CDH2: variants seen among roughly 807,000 people sequenced by gnomAD.
CDH2 encodes cadherin-2.
CDH2 carries 17 observed loss-of-function variants against 92.0 expected under a neutral mutation model. The ratio of observed to expected loss-of-function variants is 0.18; its 90% CI spans 0.13 to 0.28. CDH2 has a LOEUF of 0.28. Among genes scored for constraint, CDH2 ranks in the 10% least tolerant of loss-of-function variants. The pLI is 1.00. For missense variants in CDH2, 862 were observed against 1,133.1 expected, an observed-to-expected ratio of 0.76 and a Z score of 3.44; for synonymous variants, 419 against 415.9, an observed-to-expected ratio of 1.01 and a Z score of -0.09.
intron 9 of CDH2, among the ~76,000 whole-genome samples, chr18:27,992,098 T>C (rs1161857193): frequency 1.3e-5 from 2 of 152,220 alleles, no homozygotes; most frequent in Non-Finnish European, 2.9e-5. Context: ...ATGCAAGAGC[T>C]TTCTAAAATG....
intron 9 of CDH2, among the ~76,000 whole-genome samples, chr18:27,992,419 T>TCTCATCAC (rs1567953506): frequency 1.3e-5 from 2 of 152,196 alleles, no homozygotes; most frequent in Non-Finnish European, 2.9e-5. Flanking sequence ...ACTCTCATCA[T>TCTCATCAC]AAAACTCATT....
chr18:28,003,667 CTCAGG>C (rs2012834532), intron 6 of CDH2, among the ~76,000 whole-genome samples: 1 of 152,206 alleles, frequency 6.6e-6, no homozygotes, highest in South Asian at 2.1e-4. Context: ...ACTCCATTTC[CTCAGG>C]TCATAAGGAA....
chr18:27,950,789 G>A (rs1909402301), downstream of CDH2, among the ~76,000 whole-genome samples: 1 of 152,142 alleles, frequency 6.6e-6, no homozygotes, highest in Admixed American at 6.5e-5. Flanking sequence ...CTATGATGAT[G>A]GGAAGGTCCA....
At chr18:27,990,415 T>A (rs754095307) in intron 9 of CDH2, 65 bp from the exon 10 acceptor site, 9 of 1,459,776 alleles carry the variant, frequency 6.2e-6, no homozygotes, top group Non-Finnish European at 6.5e-6. Context: ...TGTAGTTTAT[T>A]CCTCTATCAA....
At chr18:27,937,517 C>A (rs1598974793) in intron 6 of CDH2, among the ~76,000 whole-genome samples, 1 of 152,106 alleles carries the variant, frequency 6.6e-6, no homozygotes, top group Admixed American at 6.5e-5. Context: ...CTAATTTATC[C>A]CTTTGTTCGT....
chr18:28,107,152 A>G (rs748943488), intron 2 of CDH2, among the ~76,000 whole-genome samples: 3 of 152,000 alleles, frequency 2.0e-5, no homozygotes, highest in Non-Finnish European at 2.9e-5. Context: ...TACAAAATCA[A>G]CGTTAATCAT....
chr18:27,962,668 A>T (rs1452013895), intron 15 of CDH2, among the ~76,000 whole-genome samples: 1 of 152,266 alleles, frequency 6.6e-6, no homozygotes. Flanking sequence ...AAAGAATTAC[A>T]GTAAGACTAC....
intron 2 of CDH2, among the ~76,000 whole-genome samples, chr18:28,129,029 C>T (rs1177475036): frequency 6.6e-6 from 1 of 152,158 alleles, no homozygotes; most frequent in Non-Finnish European, 1.5e-5. Context: ...GTACATCAAA[C>T]CTTCCTATAT....
At chr18:28,152,594 G>A (rs368728983) in intron 1 of CDH2, among the ~76,000 whole-genome samples, 7 of 152,190 alleles carry the variant, frequency 4.6e-5, no homozygotes, top group African/African-American at 9.6e-5. Context: ...AATGAGTTCA[G>A]TGTCGCCGGA....
At chr18:28,034,443 G>C (rs2013776271) in intron 2 of CDH2, among the ~76,000 whole-genome samples, 1 of 151,378 alleles carries the variant, frequency 6.6e-6, no homozygotes, top group African/African-American at 2.4e-5. Context: ...TTTTTTTTCT[G>C]GTTTTTAAAC....
chr18:27,960,035 C>CACACACACACAA (rs2011359205), intron 15 of CDH2, among the ~76,000 whole-genome samples: 1 of 151,778 alleles, frequency 6.6e-6, no homozygotes, highest in Admixed American at 6.6e-5. Flanking sequence ...CACACACACA[C>CACACACACACAA]ACACACACAC....
chr18:28,047,841 C>T (rs1178562674), intron 2 of CDH2, among the ~76,000 whole-genome samples: 1 of 136,568 alleles, frequency 7.3e-6, no homozygotes, highest in East Asian at 2.1e-4. Flanking sequence ...TGCACTCCAG[C>T]CTGAACAACA....
intron 15 of CDH2, among the ~76,000 whole-genome samples, chr18:27,959,758 C>T (rs544730258): frequency 6.6e-6 from 1 of 152,140 alleles, no homozygotes; most frequent in African/African-American, 2.4e-5. Flanking sequence ...ATACCTACCT[C>T]CTTAGATTTT....
intron 2 of CDH2, among the ~76,000 whole-genome samples, chr18:28,049,642 T>C (rs1455885405): frequency 6.6e-6 from 1 of 152,202 alleles, no homozygotes; most frequent in Non-Finnish European, 1.5e-5. Context: ...AACTCACCAC[T>C]GAATAGTATC....
rs564464961 is a variant in CDH2 at position 27,969,788 on chromosome 18, G to A, written c.2350-6267C>T. The stretch of plus-strand genomic sequence containing the variant: ...TCCCAGCTCTTTGGGAGGCCGAGGC[G>A]GGTGGATCACTTGAGGTCAGGAGTT... On this transcript the variant is annotated intron_variant, in intron 14 of 15. Transcript: ENST00000269141. Among the ~76,000 whole-genome samples the A allele has an allele frequency of 1.9e-3, 295 of 152,268 alleles. 2 individuals carry two copies. The highest frequency in any genetic ancestry group is 6.9e-3 in the African/African-American group (286 of 41,562).
intron 2 of CDH2, among the ~76,000 whole-genome samples, chr18:28,138,868 A>G (rs1017830465): frequency 1.3e-5 from 2 of 152,078 alleles, no homozygotes; most frequent in Non-Finnish European, 2.9e-5. Context: ...TCACTTTTTA[A>G]CGGTGAGAGC....
At chr18:27,959,244 C>T (rs1436568413) in intron 15 of CDH2, among the ~76,000 whole-genome samples, 1 of 152,106 alleles carries the variant, frequency 6.6e-6, no homozygotes, top group African/African-American at 2.4e-5. Flanking sequence ...AAACATGTGA[C>T]TTATTTTACT....
rs4800836 is a variant in CDH2, at chr18:27,951,104, A to C, written c.*1049T>G. On this transcript the variant is annotated 3_prime_UTR_variant, in exon 16 of 16. Coordinates refer to ENST00000269141, the MANE Select transcript of CDH2 (RefSeq NM_001792.5). ...GCTTTTTTTTTTCCATTTTTTTTTT[A>C]AAAAAACACACACTTAGTAGTGCCA... is the stretch of plus-strand genomic sequence containing the variant. 3 of 149,280 alleles carry C rather than the reference A, an allele frequency of 2.0e-5. No individual in the cohort carries two copies. Among genetic ancestry groups the C allele is most frequent in the Admixed American group, 6.7e-5 (1 of 14,880 alleles). 9.2% of individuals were successfully genotyped at this position (149,280 alleles called of 1,614,324 possible).
intron 2 of CDH2, among the ~76,000 whole-genome samples, chr18:28,023,753 T>C (rs2013472993): frequency 6.6e-6 from 1 of 152,220 alleles, no homozygotes; most frequent in Non-Finnish European, 1.5e-5. Flanking sequence ...TTAGCAATTA[T>C]ACTAATGTCT....
Sources: gnomAD v4.1 joint callset for allele counts (sites outside exome capture counted in the v4.1 genomes callset) on GRCh38, gnomAD v4.1.1 for gene constraint, MANE v1.5 for transcripts, NCBI Gene and HGNC (gene_info 2026-07-23, HGNC 2026-07-21) for gene names.